The following IGLON5 variants were observed in gnomAD, a reference collection of about 807,000 sequenced individuals.
IGLON5 encodes Ig-like domain-containing protein ENSP00000270642.
A neutral mutation model predicts 38.2 loss-of-function variants in IGLON5; 16 were observed. That is an observed-to-expected ratio of 0.42 (90% CI 0.28 to 0.64). The LOEUF (loss-of-function observed/expected upper bound fraction) is 0.64. IGLON5 is among the 30% of genes least tolerant of loss of function. The pLI is 0.23. For synonymous variants in IGLON5, 207 were observed against 216.4 expected (o/e 0.96, Z 0.38); for missense variants, 366 against 483.4 (o/e 0.76, Z 2.28).
intron 1 of IGLON5, among the ~76,000 whole-genome samples, chr19:51,313,855 G>C (rs1984844535): frequency 6.6e-6 from 1 of 151,704 alleles, no homozygotes; most frequent in Admixed American, 6.6e-5. Context: ...TGGAGTAGCT[G>C]GGACCACAGA....
At position 51,328,712 on chromosome 19, in the gene IGLON5, C is replaced by A; in HGVS notation, c.964C>A (p.Leu322Ile). 6.3e-7 allele frequency: 1 copy of A among 1,599,268 alleles called. No individual in the cohort carries two copies. The highest frequency in any genetic ancestry group is 8.5e-7 in the Non-Finnish European group (1 of 1,173,084). ...GAACTCAGCCCCGAGGCCCCCAGGG[C>A]TCCTGGCCCTCCTCTCCGCCCTGGG... ...LENSAPRPPG[L>I]LALLSALGWL... The change falls in exon 8 of 8, where the codon CTC becomes ATC. Residue 322 changes from leucine (L) to isoleucine (I), a missense_variant. By Grantham distance (5) the Leu-to-Ile change is conservative. Transcript: ENST00000270642.
intron 2 of IGLON5, among the ~76,000 whole-genome samples, chr19:51,323,044 T>G (rs1349067845): frequency 6.6e-6 from 1 of 150,580 alleles, no homozygotes; most frequent in Non-Finnish European, 1.5e-5. Flanking sequence ...CCCCTCTCTC[T>G]GGGTCTTTGT....
intron 1 of IGLON5, 63 bp downstream of exon 1, chr19:51,311,989 G>T: frequency 1.1e-6 from 1 of 909,130 alleles, no homozygotes; most frequent in Non-Finnish European, 1.4e-6. Context: ...GGGTAATCGG[G>T]GGATCAGGGG....
intron 2 of IGLON5, among the ~76,000 whole-genome samples, chr19:51,322,793 TGCCCCC>T: frequency 6.6e-6 from 1 of 151,322 alleles, no homozygotes; most frequent in East Asian, 2.0e-4. Flanking sequence ...TCTGGGTCTC[TGCCCCC>T]CTCTCTCTCT....
At chr19:51,320,732 A>G (rs193032093) in intron 1 of IGLON5, among the ~76,000 whole-genome samples, 18 of 152,180 alleles carry the variant, frequency 1.2e-4, no homozygotes, top group African/African-American at 4.3e-4. Flanking sequence ...GAGAATGTAC[A>G]CATGTGGATC....
intron 1 of IGLON5, among the ~76,000 whole-genome samples, chr19:51,321,073 T>A (rs1201557352): frequency 6.6e-6 from 1 of 152,240 alleles, no homozygotes; most frequent in Non-Finnish European, 1.5e-5. Context: ...GTGTTCTGTG[T>A]ATGCAAGTAT....
intron 1 of IGLON5, among the ~76,000 whole-genome samples, chr19:51,316,344 CAAAAA>C: frequency 1.2e-5 from 1 of 83,648 alleles, no homozygotes; most frequent in East Asian, 3.5e-4. Flanking sequence ...TACCCTGTCT[CAAAAA>C]AAAAAAAAAA....
chr19:51,321,497 A>G (rs1985055060), intron 1 of IGLON5, among the ~76,000 whole-genome samples: 1 of 151,840 alleles, frequency 6.6e-6, no homozygotes, highest in South Asian at 2.1e-4. Context: ...GTAATTGTTA[A>G]TCTGCTCATA....
rs1260399453 is a variant in IGLON5 at position 51,330,259 on chromosome 19, G to C, written c.*1500G>C. On this transcript the variant is annotated 3_prime_UTR_variant, in exon 8 of 8. Coordinates refer to ENST00000270642, the MANE Select transcript of IGLON5 (RefSeq NM_001101372.3). ...CCAGGGGATGGGGTGGGACAGGGGAGGGATGCTAGGGAGGGGGTGGGGGGC... is the reference window on the plus strand; with the variant it reads ...CCAGGGGATGGGGTGGGACAGGGGACGGATGCTAGGGAGGGGGTGGGGGGC... 1 of 152,122 alleles carries C rather than the reference G, an allele frequency of 6.6e-6. No individual in the cohort carries two copies. Among genetic ancestry groups the C allele is most frequent in the African/African-American group, 2.4e-5 (1 of 41,384 alleles). 9.4% of individuals were successfully genotyped at this position (152,122 alleles called of 1,614,324 possible).
At chr19:51,323,585 TCCCA>T in intron 2 of IGLON5, 73 bp from the exon 3 acceptor site, 2 of 1,288,934 alleles carry the variant, frequency 1.6e-6, no homozygotes, top group Non-Finnish European at 2.2e-6. Flanking sequence ...GGCCTCCTTC[TCCCA>T]CCCACCCCCT....
At position 51,330,639 on chromosome 19, in the gene IGLON5, C is replaced by T. The variant is rs1432341999; in HGVS notation, c.*1880C>T. On this transcript the variant is annotated 3_prime_UTR_variant, in exon 8 of 8. Transcript: ENST00000270642. ...GCTTTTCTGCTGGATATTGTGGCTC[C>T]GTGATGTGAAGTCAACATCTGTAGG... Among the ~76,000 whole-genome samples, 1 of 152,080 alleles carries T rather than the reference C, an allele frequency of 6.6e-6. No homozygotes were observed.
chr19:51,315,990 C>A (rs1051998844), intron 1 of IGLON5, among the ~76,000 whole-genome samples: 1 of 151,786 alleles, frequency 6.6e-6, no homozygotes, highest in Non-Finnish European at 1.5e-5. Context: ...CACCACGCCC[C>A]GCCGGAAGTC....
chr19:51,321,338 C>T (rs1192990082), intron 1 of IGLON5, among the ~76,000 whole-genome samples: 5 of 152,016 alleles, frequency 3.3e-5, no homozygotes, highest in Non-Finnish European at 7.4e-5. Flanking sequence ...CCACCACACC[C>T]GGCTAATATT....
chr19:51,328,971 A>G lies in IGLON5; in HGVS notation c.*212A>G. The G allele has an allele frequency of 2.1e-6, 1 of 487,712 alleles. No individual in the cohort carries two copies. Among genetic ancestry groups the G allele is most frequent in the South Asian group, 3.0e-5 (1 of 33,488 alleles). The allele number at this position is 487,712 out of a possible 1,614,324, so 30.2% of individuals were successfully genotyped here. A position where few individuals can be genotyped will look rare whatever the true frequency, so the allele number is the denominator to read the frequency against. Reference sequence around the variant, plus strand: ...AACGCAAAATTATGCATCTTTCTACAGCCATTCTCGCCACCCGTTCACGTT... The same window carrying G: ...AACGCAAAATTATGCATCTTTCTACGGCCATTCTCGCCACCCGTTCACGTT... On this transcript the variant is annotated 3_prime_UTR_variant, in exon 8 of 8. Transcript: ENST00000270642.
In IGLON5 at chr19:51,325,018, A is replaced by C. The variant is rs182593394; in HGVS notation, c.392-328A>C. On this transcript the variant is annotated intron_variant, in intron 3 of 7. Coordinates refer to ENST00000270642, the MANE Select transcript of IGLON5 (RefSeq NM_001101372.3). The surrounding 1 kb of genome is among the most constrained non-coding windows in gnomAD (Gnocchi z 5.5). The stretch of plus-strand genomic sequence containing the variant: ...GGAATTCAGACCCCAAGATGGAGAA[A>C]CCAAGTTAGGATGAAGGTGGAGAGA... Among the ~76,000 whole-genome samples, 1 of 152,206 alleles carries C rather than the reference A, an allele frequency of 6.6e-6. No individual in the cohort carries two copies. Among genetic ancestry groups the C allele is most frequent in the East Asian group, 1.9e-4 (1 of 5,156 alleles).
Position 51,323,627 on chromosome 19 carries a change from G to A in IGLON5, c.159-35G>A, listed in dbSNP as rs773771657. 7 of 1,562,004 alleles carry A rather than the reference G, an allele frequency of 4.5e-6. No homozygotes were observed. The South Asian group carries it at 5.8e-5, about 13-fold the overall frequency. On this transcript the variant is annotated intron_variant, in intron 2 of 7. Coordinates refer to ENST00000270642, the MANE Select transcript of IGLON5 (RefSeq NM_001101372.3). Reference sequence around the variant, plus strand: ...GTGGGGGAAGCCTCAGGCTGGGTGGGTGGAGAAAAACCTTCCCACTCATTC... The same window carrying A: ...GTGGGGGAAGCCTCAGGCTGGGTGGATGGAGAAAAACCTTCCCACTCATTC...
intron 1 of IGLON5, among the ~76,000 whole-genome samples, chr19:51,315,713 T>TTTTTTG (rs758372004): frequency 4.2e-5 from 4 of 96,074 alleles, no homozygotes; most frequent in Non-Finnish European, 6.6e-5. Flanking sequence ...TTTTTTTTTT[T>TTTTTTG]GAGACAGAGT....
intron 1 of IGLON5, among the ~76,000 whole-genome samples, chr19:51,316,682 C>CG (rs1157273088): frequency 6.6e-6 from 1 of 151,732 alleles, no homozygotes; most frequent in Admixed American, 6.6e-5. Flanking sequence ...TTAGTAGAGA[C>CG]GGGGTTTCAC....
rs1194743814 is a variant in IGLON5, at chr19:51,324,939, T to C, written c.392-407T>C. On this transcript the variant is annotated intron_variant, in intron 3 of 7. Transcript: ENST00000270642. The surrounding 1 kb of genome is among the most constrained non-coding windows in gnomAD (Gnocchi z 4.2). ...TTACACAGAAAGTCCCATGTGGGTA[T>C]TTGTTAAATAAATTTATTTAAAATA... Among the ~76,000 whole-genome samples the C allele has an allele frequency of 1.3e-5, 2 of 151,912 alleles. No individual in the cohort carries two copies. Among genetic ancestry groups the C allele is most frequent in the African/African-American group, 4.8e-5 (2 of 41,332 alleles).
Sources: allele counts gnomAD v4.1 joint callset (sites outside exome capture counted in the v4.1 genomes callset), GRCh38; gene constraint gnomAD v4.1.1; non-coding constraint Gnocchi (gnomAD v3.1); transcripts MANE v1.5; gene names NCBI Gene and HGNC (gene_info 2026-07-23, HGNC 2026-07-21).